SYMPK: variants seen among roughly 807,000 people sequenced by gnomAD.
The protein encoded by SYMPK is symplekin.
Under a neutral mutation model 136.4 loss-of-function variants are expected in SYMPK, and 49 were observed. The ratio of observed to expected loss-of-function variants is 0.36; its 90% confidence interval spans 0.29 to 0.46. The LOEUF (loss-of-function observed/expected upper bound fraction) is 0.46, where lower values mean the gene tolerates loss of function less well. Among genes scored for constraint, SYMPK ranks in the 20% least tolerant of loss-of-function variants. The pLI is 1.00. For missense variants in SYMPK, 1,365 were observed against 1,690.0 expected (o/e 0.81, Z 3.37); for synonymous variants, 766 against 713.0 (o/e 1.07, Z -1.19).
chr19:45,848,904 G>A, intron 5 of SYMPK, 28 bp from the exon 6 acceptor site: 2 of 1,613,462 alleles, frequency 1.2e-6, no homozygotes, highest in Non-Finnish European at 1.7e-6. Flanking sequence ...AAGGGGCGAG[G>A]TCAAGGTGTG....
intron 20 of SYMPK, 45 bp downstream of exon 20, chr19:45,823,327 C>T: frequency 1.3e-6 from 2 of 1,580,932 alleles, no homozygotes; most frequent in Non-Finnish European, 1.7e-6. Context: ...CTCCCAGTCC[C>T]ACATGTCCCA....
Position 45,816,142 on chromosome 19 carries a change from G to T in SYMPK, c.3396C>A (p.Pro1132=). The change falls in exon 26 of 27, where the codon CCC becomes CCA. Residue 1132 remains proline, a synonymous_variant. Coordinates refer to ENST00000245934, the MANE Select transcript of SYMPK (RefSeq NM_004819.3). The part of the protein sequence containing the change: ...EPLTLAPAPA[P]RPPQDLIGLR... Reference sequence around the variant, plus strand: ...GGCCGATGAGGTCCTGAGGGGGCCGGGGTGCTGGGGCCGGGGCCAAGGTCA... The same window carrying T: ...GGCCGATGAGGTCCTGAGGGGGCCGTGGTGCTGGGGCCGGGGCCAAGGTCA... The T allele has an allele frequency of 6.5e-7, 1 of 1,548,588 alleles. No homozygotes were observed. Among genetic ancestry groups the T allele is most frequent in the African/African-American group, 1.4e-5 (1 of 73,514 alleles).
In SYMPK at chr19:45,831,580, G is replaced by C. The variant is rs1249528521; in HGVS notation, c.1402C>G (p.Gln468Glu). The C allele has an allele frequency of 6.3e-7, 1 of 1,599,596 alleles. No homozygotes were observed. Among genetic ancestry groups the C allele is most frequent in the Non-Finnish European group, 8.5e-7 (1 of 1,172,784 alleles). The part of the protein sequence containing the change: ...TAAGLGPGVE[Q>E]TKQCKEEPKE... ...GGCTCCTCCTTGCACTGTTTGGTCTGCTCTACACCTGAGGGGGAGGCAGCA... is the reference window on the plus strand; with the variant it reads ...GGCTCCTCCTTGCACTGTTTGGTCTCCTCTACACCTGAGGGGGAGGCAGCA... The change falls in exon 12 of 27, where the codon CAG (glutamine) becomes GAG (glutamate). Residue 468 changes from glutamine to glutamate, a missense_variant. Gln to Glu is a conservative substitution (Grantham distance 29). This residue lies in a region of SYMPK where 46 missense variants were observed against 63.9 expected (regional missense o/e 0.72). Coordinates refer to ENST00000245934, the MANE Select transcript of SYMPK (RefSeq NM_004819.3).
chr19:45,862,287 T>C (rs1266143595), intron 1 of SYMPK, among the ~76,000 whole-genome samples: 1 of 152,194 alleles, frequency 6.6e-6, no homozygotes, highest in African/African-American at 2.4e-5. Context: ...AGTATCACTG[T>C]TTCCCCTTCC....
Position 45,821,407 on chromosome 19 carries a change from C to T in SYMPK, c.2870G>A (p.Cys957Tyr). The T allele has an allele frequency of 6.2e-7, 1 of 1,614,010 alleles. No homozygotes were observed. Among genetic ancestry groups the T allele is most frequent in the Non-Finnish European group, 8.5e-7 (1 of 1,179,964 alleles). Reference protein sequence around the residue: ...IALHNIDSVKCDMKSIIKATN... With the variant: ...IALHNIDSVKYDMKSIIKATN... ...ACCTTTGATGATGGATTTCATGTCG[C>T]ACTTCACGGAGTCAATGTTGTGTAA... The change falls in exon 22 of 27, where the codon TGC (cysteine) becomes TAC (tyrosine). Residue 957 changes from cysteine (C) to tyrosine (Y), a missense_variant. Coordinates refer to ENST00000245934, the MANE Select transcript of SYMPK (RefSeq NM_004819.3). The surrounding 1 kb of genome is among the most constrained non-coding windows in gnomAD (Gnocchi z 4.4).
intron 10 of SYMPK, among the ~76,000 whole-genome samples, chr19:45,835,917 T>TAAAGAAAGAA: frequency 6.8e-6 from 1 of 147,920 alleles, no homozygotes; most frequent in East Asian, 2.0e-4. Context: ...ATCTCATTCA[T>TAAAGAAAGAA]AAAGAAAGAA....
At chr19:45,830,395 T>G (rs911328470) in intron 12 of SYMPK, 191 bp from the exon 13 acceptor site, 1 of 658,348 alleles carries the variant, frequency 1.5e-6, no homozygotes, top group Admixed American at 3.0e-5. Context: ...GATGTTATTT[T>G]GGTTTTGCAG....
At chr19:45,830,228 G>A in intron 12 of SYMPK, 24 bp from the exon 13 acceptor site, 1 of 1,603,532 alleles carries the variant, frequency 6.2e-7, no homozygotes, top group South Asian at 1.1e-5. Flanking sequence ...CAGTGACAGA[G>A]ATGCAGTGAC....
intron 9 of SYMPK, among the ~76,000 whole-genome samples, chr19:45,840,554 T>C (rs921717089): frequency 6.6e-6 from 1 of 151,836 alleles, no homozygotes; most frequent in African/African-American, 2.4e-5. Flanking sequence ...TCCCAGCTAC[T>C]TGGGAGGCTG....
At chr19:45,825,880 A>G (rs2146308128) in intron 17 of SYMPK, among the ~76,000 whole-genome samples, 1 of 152,246 alleles carries the variant, frequency 6.6e-6, no homozygotes, top group Non-Finnish European at 1.5e-5. Flanking sequence ...CTGCCCTATC[A>G]TGGCCCAAGC....
rs561376407 is a variant in SYMPK, at chr19:45,817,864, G to A, written c.3081+95C>T. ...AGAGCAGAGCCTGCTGTCCTCCACC[G>A]GGCTCCCTCCGGGGTCAGACGGGGG... On this transcript the variant is annotated intron_variant, in intron 23 of 26. Transcript: ENST00000245934. The A allele has an allele frequency of 1.5e-4, 189 of 1,293,796 alleles. 3 individuals carry two copies. The South Asian group carries it at 2.4e-3, about 17-fold the overall frequency. 80.1% of individuals were successfully genotyped at this position (1,293,796 alleles called of 1,614,324 possible). A position where few individuals can be genotyped will look rare whatever the true frequency, so the allele number is the denominator to read the frequency against.
chr19:45,830,010 G>A lies in SYMPK; in HGVS notation c.1749+44C>T, dbSNP rs777415314. 7.9e-6 allele frequency: 12 copies of A among 1,521,224 alleles called. 1 individual carries two copies. The South Asian group carries it at 1.3e-4, about 17-fold the overall frequency. 94.2% of individuals were successfully genotyped at this position (1,521,224 alleles called of 1,614,324 possible). A position where few individuals can be genotyped will look rare whatever the true frequency, so the allele number is the denominator to read the frequency against. ...CGCTGGATGTGAGGTAGACGTTTGGGTAGAGGGACTGGAAGGATGGGGTGG... is the reference window on the plus strand; with the variant it reads ...CGCTGGATGTGAGGTAGACGTTTGGATAGAGGGACTGGAAGGATGGGGTGG... On this transcript the variant is annotated intron_variant, in intron 13 of 26. Coordinates refer to ENST00000245934, the MANE Select transcript of SYMPK (RefSeq NM_004819.3).
At position 45,834,144 on chromosome 19, in the gene SYMPK, C is replaced by T. The variant is rs966516948; in HGVS notation, c.1393+934G>A. ...TCTACTAAAAATACAAAAAATTAGC[C>T]GGGCGTGGTGGCAGGCGCCTGTAGT... On this transcript the variant is annotated intron_variant, in intron 11 of 26. Transcript: ENST00000245934. Among the ~76,000 whole-genome samples the T allele has an allele frequency of 1.4e-4, 21 of 152,216 alleles. No homozygotes were observed. The East Asian group carries it at 1.7e-3, about 13-fold the overall frequency.
intron 13 of SYMPK, 134 bp from the exon 14 acceptor site, chr19:45,829,339 C>T (rs1313376676): frequency 3.6e-5 from 27 of 748,444 alleles, no homozygotes; most frequent in Middle Eastern, 3.6e-4. Context: ...GAAGGCCAGC[C>T]GAGGACCCTT....
chr19:45,852,256 A>T (rs933424700), intron 5 of SYMPK, 56 bp downstream of exon 5: 1 of 1,597,492 alleles, frequency 6.3e-7, no homozygotes, highest in African/African-American at 1.3e-5. Context: ...CCAGGCCACG[A>T]GCTGAAGGCT....
rs1490875465 is a variant in SYMPK, at chr19:45,816,022, G to A, written c.3516C>T (p.Pro1172=). Residue 1172 remains proline (P), a synonymous_variant, in exon 26 of 27, where the codon CCC becomes CCT. Transcript: ENST00000245934. The part of the protein sequence containing the change: ...GGVGAPSSSS[P]SPSPSARPGP... ...CTGGCCGGGCCGACGGAGAGGGAGA[G>A]GGGGAGGAAGAGGAGGGGGCTCCCA... 2.3e-5 allele frequency: 37 copies of A among 1,591,988 alleles called. No homozygotes were observed. Among genetic ancestry groups the A allele is most frequent in the Middle Eastern group, 1.7e-4 (1 of 6,046 alleles).
intron 9 of SYMPK, among the ~76,000 whole-genome samples, chr19:45,839,033 T>C (rs1971373394): frequency 6.6e-6 from 1 of 152,192 alleles, no homozygotes; most frequent in South Asian, 2.1e-4. Flanking sequence ...ATTATAGGCA[T>C]GCGCCACCAG....
chr19:45,847,517 T>C (rs1434998007), intron 7 of SYMPK, among the ~76,000 whole-genome samples: 1 of 151,972 alleles, frequency 6.6e-6, no homozygotes, highest in Non-Finnish European at 1.5e-5. Context: ...GGTACTATGT[T>C]ATCGTCTCCA....
In SYMPK at chr19:45,835,060, G is replaced by C. The variant is rs1164585608; in HGVS notation, c.1393+18C>G. ...AAGTGCCAATCCCTGGCCCAGGTTA[G>C]GGCCAGGACACACTCACCTGGTCCC... is the stretch of plus-strand genomic sequence containing the variant. On this transcript the variant is annotated intron_variant, in intron 11 of 26. Coordinates refer to ENST00000245934, the MANE Select transcript of SYMPK (RefSeq NM_004819.3). 1.3e-6 allele frequency: 2 copies of C among 1,531,982 alleles called. No individual in the cohort carries two copies. The highest frequency in any genetic ancestry group is 4.6e-5 in the East Asian group (2 of 43,550). 94.9% of individuals were successfully genotyped at this position (1,531,982 alleles called of 1,614,324 possible). A position where few individuals can be genotyped will look rare whatever the true frequency, so the allele number is the denominator to read the frequency against.
Sources: allele counts gnomAD v4.1 joint callset (sites outside exome capture counted in the v4.1 genomes callset), GRCh38; gene constraint gnomAD v4.1.1; regional missense constraint gnomAD v4.1.1; non-coding constraint Gnocchi (gnomAD v3.1); transcripts MANE v1.5; gene names NCBI Gene and HGNC (gene_info 2026-07-23, HGNC 2026-07-21).